The following MFAP3L variants were observed in gnomAD, a reference collection of about 807,000 sequenced individuals.
The protein encoded by MFAP3L is microfibrillar-associated protein 3-like.
Under a neutral mutation model 20.0 loss-of-function variants are expected in MFAP3L, and 5 were observed. That is an observed-to-expected ratio of 0.25 (90% confidence interval 0.13 to 0.53). The LOEUF (loss-of-function observed/expected upper bound fraction) is 0.53, where lower values mean the gene tolerates loss of function less well. Ranked by LOEUF, MFAP3L falls within the 20% of genes least tolerant of loss-of-function variation. The pLI is 0.96. For missense variants in MFAP3L, 409 were observed against 527.5 expected, an observed-to-expected ratio of 0.78 and a Z score of 2.20; for synonymous variants, 219 against 213.0, an observed-to-expected ratio of 1.03 and a Z score of -0.25.
chr4:170,004,547 C>T (rs922318441), intron 2 of MFAP3L, among the ~76,000 whole-genome samples: 1 of 152,178 alleles, frequency 6.6e-6, no homozygotes, highest in Non-Finnish European at 1.5e-5. Flanking sequence ...ATTCGGAACA[C>T]AGCTGTGAAC....
chr4:170,022,381 T>C (rs1027047446), intron 1 of MFAP3L, among the ~76,000 whole-genome samples: 2 of 152,226 alleles, frequency 1.3e-5, no homozygotes, highest in African/African-American at 4.8e-5. Flanking sequence ...TTTCATGTTC[T>C]GGTTTCCCAT....
At chr4:170,018,161 T>C (rs934995318) in intron 1 of MFAP3L, among the ~76,000 whole-genome samples, 2 of 152,130 alleles carry the variant, frequency 1.3e-5, no homozygotes, top group African/African-American at 2.4e-5. Context: ...GCTGGGAAGG[T>C]AACAGAATGT....
At chr4:170,003,699 G>A (rs924510212) in intron 2 of MFAP3L, 21 of 985,344 alleles carry the variant, frequency 2.1e-5, no homozygotes, top group Non-Finnish European at 2.3e-5. Context: ...GTAAAAGGGA[G>A]ATCCAGGTCT....
intron 2 of MFAP3L, among the ~76,000 whole-genome samples, chr4:169,996,008 AC>A (rs372517321): frequency 4.2e-5 from 2 of 48,060 alleles, no homozygotes; most frequent in African/African-American, 7.6e-5. Flanking sequence ...TAGCCCCGCC[AC>A]CCCCCACCCC....
At chr4:170,026,609 G>A (rs1730456400), upstream of MFAP3L, among the ~76,000 whole-genome samples, 1 of 151,936 alleles carries the variant, frequency 6.6e-6, no homozygotes, top group Non-Finnish European at 1.5e-5. Context: ...GTAGTTGCCG[G>A]GGAGTCCCGC....
chr4:170,002,370 G>A (rs2110980857), intron 2 of MFAP3L: 1 of 499,086 alleles, frequency 2.0e-6, no homozygotes, highest in Non-Finnish European at 2.6e-6. Context: ...TTATTATAAG[G>A]ATTAGAAATA....
chr4:170,009,038 G>A (rs1238222860), intron 1 of MFAP3L, among the ~76,000 whole-genome samples: 1 of 152,130 alleles, frequency 6.6e-6, no homozygotes, highest in Non-Finnish European at 1.5e-5. Flanking sequence ...AAAATATTCT[G>A]CAAATGTACC....
chr4:170,018,212 GA>G (rs1560990152), intron 1 of MFAP3L, among the ~76,000 whole-genome samples: 1 of 152,182 alleles, frequency 6.6e-6, no homozygotes, highest in East Asian at 1.9e-4. Context: ...AATAAAAGGA[GA>G]CCAGACAGTT....
intron 1 of MFAP3L, among the ~76,000 whole-genome samples, chr4:170,010,128 G>C (rs1333628170): frequency 6.6e-6 from 1 of 152,198 alleles, no homozygotes; most frequent in Non-Finnish European, 1.5e-5. Flanking sequence ...GAATTGGAAA[G>C]TGGCACTAAA....
At chr4:170,007,628 A>T (rs142354255) in intron 1 of MFAP3L, among the ~76,000 whole-genome samples, 2 of 152,366 alleles carry the variant, frequency 1.3e-5, no homozygotes, top group East Asian at 3.9e-4. Flanking sequence ...TATGTCTTCT[A>T]AAAGCCAGAT....
intron 1 of MFAP3L, among the ~76,000 whole-genome samples, chr4:170,006,321 C>T (rs1201296624): frequency 6.6e-6 from 1 of 152,040 alleles, no homozygotes; most frequent in Non-Finnish European, 1.5e-5. Flanking sequence ...CCGTGTTGGC[C>T]AGGCTGGTCT....
rs1738968366 is a variant in MFAP3L at position 170,005,480 on chromosome 4, C to A, written c.298+100G>T. 42 of 1,300,510 alleles carry A rather than the reference C, an allele frequency of 3.2e-5. No individual in the cohort carries two copies. The South Asian group carries it at 5.4e-4, about 17-fold the overall frequency. The allele number at this position is 1,300,510 out of a possible 1,614,324, so 80.6% of individuals were successfully genotyped here. A position where few individuals can be genotyped will look rare whatever the true frequency, so the allele number is the denominator to read the frequency against. ...TTAGAAAAACAAGACAAGATGAGAT[C>A]TTTAAATCATTTGCATGAGAAGAAC... On this transcript the variant is annotated intron_variant, in intron 2 of 2. Coordinates refer to ENST00000361618, the MANE Select transcript of MFAP3L (RefSeq NM_021647.8).
At chr4:169,999,214 A>C (rs1738434595) in intron 2 of MFAP3L, among the ~76,000 whole-genome samples, 1 of 152,180 alleles carries the variant, frequency 6.6e-6, no homozygotes, top group African/African-American at 2.4e-5. Flanking sequence ...ACCTCTTCAG[A>C]GAGGACTAGG....
At chr4:170,025,207 T>G (rs1279187918) in intron 1 of MFAP3L, among the ~76,000 whole-genome samples, 1 of 152,212 alleles carries the variant, frequency 6.6e-6, no homozygotes, top group Non-Finnish European at 1.5e-5. Flanking sequence ...TACGGTCTCA[T>G]GAAACGACAT....
At chr4:170,020,238 T>C (rs955245391) in intron 1 of MFAP3L, among the ~76,000 whole-genome samples, 9 of 152,200 alleles carry the variant, frequency 5.9e-5, no homozygotes, top group Non-Finnish European at 1.2e-4. Context: ...ATTTCTGCTG[T>C]ACCTGAGACA....
chr4:170,004,040 C>T (rs1738870760), intron 2 of MFAP3L, among the ~76,000 whole-genome samples: 1 of 152,150 alleles, frequency 6.6e-6, no homozygotes, highest in South Asian at 2.1e-4. Context: ...CACTGCAACG[C>T]CTGCCTCCTG....
chr4:170,026,909 G>GCTTCTCAC (rs1560997494), upstream of MFAP3L: 1 of 152,150 alleles, frequency 6.6e-6, no homozygotes, highest in Non-Finnish European at 1.5e-5. Context: ...CCTTGCTTCC[G>GCTTCTCAC]AAAGCTTCTC....
In MFAP3L at chr4:170,026,278, C is replaced by A; in HGVS notation, c.-178G>T. 1 of 984,330 alleles carries A rather than the reference C, an allele frequency of 1.0e-6. No individual in the cohort carries two copies. The highest frequency in any genetic ancestry group is 4.7e-5 in the South Asian group (1 of 21,284). The allele number at this position is 984,330 out of a possible 1,614,324, so 61.0% of individuals were successfully genotyped here. On this transcript the variant is annotated 5_prime_UTR_variant, in exon 1 of 3. The change abolishes an upstream ATG in the 5' untranslated region. Coordinates refer to ENST00000361618, the MANE Select transcript of MFAP3L (RefSeq NM_021647.8). The stretch of plus-strand genomic sequence containing the variant: ...CAGGTGGCCGCCGTGCACCCCTCGC[C>A]ATGGCCAGCCCGACAGCGGCCGCTG...
intron 2 of MFAP3L, chr4:169,994,093 G>T: frequency 2.3e-6 from 2 of 862,714 alleles, no homozygotes; most frequent in Non-Finnish European, 2.8e-6. Flanking sequence ...CAGCAGGCAT[G>T]GACAAAAACA....
Sources: gnomAD v4.1 joint callset for allele counts (sites outside exome capture counted in the v4.1 genomes callset) on GRCh38, gnomAD v4.1.1 for gene constraint, MANE v1.5 for transcripts, NCBI Gene and HGNC (gene_info 2026-07-23, HGNC 2026-07-21) for gene names.